The following TPST1 variants were observed in gnomAD, a reference collection of about 807,000 sequenced individuals.
TPST1 encodes the protein protein-tyrosine sulfotransferase 1.
Under a neutral mutation model 34.8 loss-of-function variants are expected in TPST1, and 20 were observed. The ratio of observed to expected loss-of-function variants is 0.57; its 90% CI spans 0.40 to 0.84. TPST1 has a LOEUF of 0.84. TPST1 is among the 40% of genes least tolerant of loss of function. TPST1 has a pLI of 0.00. For missense variants in TPST1, 353 were observed against 455.5 expected (o/e 0.78, Z 2.05); for synonymous variants, 152 against 159.4 (o/e 0.95, Z 0.35).
At chr7:66,218,593 C>G (rs1789474176) in intron 1 of TPST1, among the ~76,000 whole-genome samples, 1 of 152,148 alleles carries the variant, frequency 6.6e-6, no homozygotes, top group Non-Finnish European at 1.5e-5. Context: ...CGCCTGTAAT[C>G]CCAGCACTTT....
chr7:66,318,610 G>A (rs1216747279), intron 3 of TPST1, among the ~76,000 whole-genome samples: 1 of 152,074 alleles, frequency 6.6e-6, no homozygotes, highest in African/African-American at 2.4e-5. Context: ...CCTACTACAG[G>A]TGCCCGCCAC....
At chr7:66,309,850 A>C (rs1791496426) in intron 3 of TPST1, among the ~76,000 whole-genome samples, 1 of 152,232 alleles carries the variant, frequency 6.6e-6, no homozygotes, top group South Asian at 2.1e-4. Flanking sequence ...TTTAACAGGG[A>C]AAAAAAGAGC....
intron 4 of TPST1, chr7:66,352,845 C>T (rs1792509563): frequency 2.0e-6 from 2 of 985,278 alleles, no homozygotes; most frequent in Non-Finnish European, 1.2e-6. Context: ...ACAAGCCGCC[C>T]AGTGGGTAAA....
At chr7:66,324,835 AC>A (rs2116226893) in intron 3 of TPST1, among the ~76,000 whole-genome samples, 1 of 148,696 alleles carries the variant, frequency 6.7e-6, no homozygotes, top group East Asian at 2.0e-4. Context: ...AAAAAACAAG[AC>A]AAAACACTCA....
chr7:66,354,522 C>CAAAAAAAAAAAAAAAAA (rs66521537), intron 4 of TPST1, among the ~76,000 whole-genome samples: 2 of 60,814 alleles, frequency 3.3e-5, no homozygotes, highest in East Asian at 4.9e-4. Flanking sequence ...GAGTCTGTCT[C>CAAAAAAAAAAAAAAAAA]AAAAAAAAAA....
chr7:66,309,057 C>T (rs1791479632), intron 3 of TPST1, among the ~76,000 whole-genome samples: 1 of 152,114 alleles, frequency 6.6e-6, no homozygotes, highest in African/African-American at 2.4e-5. Flanking sequence ...GACACCATGC[C>T]CAGCTAATTT....
rs780952403 is a variant in TPST1 at position 66,224,901 on chromosome 7, CTTTTTTTT to C, written c.-101-15400_-101-15393del. 8.7e-4 allele frequency among the ~76,000 whole-genome samples: 37 copies of C among 42,404 alleles called. No homozygotes were observed. The East Asian group carries it at 0.011, about 12-fold the overall frequency. 27.8% of individuals were successfully genotyped at this position (42,404 alleles called of 152,430 possible). A position where few individuals can be genotyped will look rare whatever the true frequency, so the allele number is the denominator to read the frequency against. On this transcript the variant is annotated intron_variant, in intron 1 of 5. Transcript: ENST00000304842. Reference sequence around the variant, plus strand: ...AACTGAGCCTGAACATTCTGGTATTCTTTTTTTTTTTTTTTTTTTTTTTTTTTTTTTGT... The same window carrying C: ...AACTGAGCCTGAACATTCTGGTATTCTTTTTTTTTTTTTTTTTTTTTTTGT...
the TPST1 span, among the ~76,000 whole-genome samples, chr7:66,199,116 G>C: frequency 1.3e-5 from 2 of 152,108 alleles, no homozygotes; most frequent in African/African-American, 4.8e-5. Flanking sequence ...AGTGACCCAA[G>C]TGTCCTCCTG....
chr7:66,310,626 T>C, intron 3 of TPST1, among the ~76,000 whole-genome samples: 1 of 152,076 alleles, frequency 6.6e-6, no homozygotes, highest in East Asian at 1.9e-4. Context: ...ATGAAGATCA[T>C]TTCCAGCTCT....
chr7:66,263,139 A>G (rs79885344), intron 2 of TPST1, among the ~76,000 whole-genome samples: 2,223 of 152,164 alleles, frequency 0.015, 61 homozygotes, highest in East Asian at 0.093. Context: ...AAAATAAAAT[A>G]AAATATTATC....
At chr7:66,354,217 G>A (rs1352389563) in intron 4 of TPST1, among the ~76,000 whole-genome samples, 1 of 152,106 alleles carries the variant, frequency 6.6e-6, no homozygotes. Context: ...TGGGCATGAT[G>A]TCCCAGAAAC....
In TPST1 at chr7:66,351,839, A is replaced by G. The variant is rs372894694; in HGVS notation, c.1045-666A>G. Reference sequence around the variant, plus strand: ...AGTTTTCTGTGTTAAGGTTTTATATATCTTTTATTGATTTACTCTTACATA... The same window carrying G: ...AGTTTTCTGTGTTAAGGTTTTATATGTCTTTTATTGATTTACTCTTACATA... On this transcript the variant is annotated intron_variant, in intron 3 of 5. Coordinates refer to ENST00000304842, the MANE Select transcript of TPST1 (RefSeq NM_003596.4). Among the ~76,000 whole-genome samples, 373 of 152,258 alleles carry G rather than the reference A, an allele frequency of 2.4e-3. 23 individuals are homozygous for G. In the South Asian group the frequency reaches 0.075, roughly 30 times the overall value.
At chr7:66,353,596 G>A (rs1301291000) in intron 4 of TPST1, among the ~76,000 whole-genome samples, 1 of 152,254 alleles carries the variant, frequency 6.6e-6, no homozygotes, top group Non-Finnish European at 1.5e-5. Flanking sequence ...GCCTAGAGGA[G>A]CCCGGCATCC....
intron 1 of TPST1, among the ~76,000 whole-genome samples, chr7:66,230,273 A>G (rs1201478208): frequency 2.0e-5 from 3 of 152,226 alleles, no homozygotes; most frequent in Admixed American, 1.3e-4. Flanking sequence ...AGATTTGCCT[A>G]TTCTGGACAT....
intron 3 of TPST1, among the ~76,000 whole-genome samples, chr7:66,335,317 G>A (rs1172286710): frequency 6.6e-6 from 1 of 151,968 alleles, no homozygotes; most frequent in African/African-American, 2.4e-5. Context: ...TTAGCTGCAT[G>A]TGGTGGTACG....
At chr7:66,320,015 G>A (rs780474427) in intron 3 of TPST1, among the ~76,000 whole-genome samples, 16 of 152,034 alleles carry the variant, frequency 1.1e-4, no homozygotes, top group African/African-American at 2.4e-4. Flanking sequence ...GGTAGCACCC[G>A]ATCTGGAAGA....
intron 3 of TPST1, among the ~76,000 whole-genome samples, chr7:66,324,687 T>G (rs1319985304): frequency 1.3e-5 from 2 of 151,388 alleles, no homozygotes; most frequent in African/African-American, 4.9e-5. Flanking sequence ...TAATCCCAGC[T>G]ACTCGGGAGG....
intron 1 of TPST1, among the ~76,000 whole-genome samples, chr7:66,214,997 ATAT>A (rs1383251033): frequency 1.4e-5 from 2 of 146,544 alleles, no homozygotes; most frequent in African/African-American, 2.5e-5. Flanking sequence ...AACTATATAA[ATAT>A]TAATATGTTT....
chr7:66,320,015 G>C (rs780474427), intron 3 of TPST1, among the ~76,000 whole-genome samples: 19 of 152,034 alleles, frequency 1.2e-4, no homozygotes, highest in Non-Finnish European at 2.6e-4. Context: ...GGTAGCACCC[G>C]ATCTGGAAGA....
Sources: gnomAD v4.1 joint callset for allele counts (sites outside exome capture counted in the v4.1 genomes callset) on GRCh38, gnomAD v4.1.1 for gene constraint, MANE v1.5 for transcripts, NCBI Gene and HGNC (gene_info 2026-07-23, HGNC 2026-07-21) for gene names.